Variants in SPTB observed in about 807,000 individuals in gnomAD.
SPTB encodes the protein spectrin beta chain, erythrocytic.
A neutral mutation model predicts 256.2 loss-of-function variants in SPTB; 45 were observed. The ratio of observed to expected loss-of-function variants is 0.18; its 90% CI spans 0.14 to 0.23. SPTB has a LOEUF of 0.23. Among genes scored for constraint, SPTB ranks in the 10% least tolerant of loss-of-function variants. The pLI, the probability that SPTB is intolerant of heterozygous loss-of-function variation, is 1.00. For synonymous variants in SPTB, 1,231 were observed against 1,243.1 expected (o/e 0.99, Z 0.21); for missense variants, 2,715 against 3,040.4 (o/e 0.89, Z 2.52).
Position 64,866,258 on chromosome 14 carries a change from C to A in SPTB, c.-52+13534G>T, listed in dbSNP as rs1882175917. ...AGAAGCTGCTAGTTGTTTATCCTAC[C>A]CTCACTGTCAGCTCTCCATCGAGTT... On this transcript the variant is annotated intron_variant, in intron 1 of 35. Transcript: ENST00000644917. The surrounding 1 kb of genome is among the most constrained non-coding windows in gnomAD (Gnocchi z 4.6). Among the ~76,000 whole-genome samples, 1 of 152,128 alleles carries A rather than the reference C, an allele frequency of 6.6e-6. No individual in the cohort carries two copies. The highest frequency in any genetic ancestry group is 2.4e-5 in the African/African-American group (1 of 41,428).
intron 19 of SPTB, among the ~76,000 whole-genome samples, chr14:64,782,909 G>A (rs1245604901): frequency 6.6e-6 from 1 of 152,024 alleles, no homozygotes; most frequent in East Asian, 1.9e-4. Context: ...GTTAGACATG[G>A]CTGGTAGGGG....
intron 2 of SPTB, among the ~76,000 whole-genome samples, chr14:64,808,983 G>A (rs138060622): frequency 2.2e-3 from 333 of 151,858 alleles, no homozygotes; most frequent in African/African-American, 7.8e-3. Context: ...AAGCTAGGCC[G>A]GGCATGGTGG....
chr14:64,804,792 G>C (rs1001241181), intron 3 of SPTB, 147 bp downstream of exon 3: 6 of 1,058,756 alleles, frequency 5.7e-6, no homozygotes, highest in Non-Finnish European at 7.0e-6. Flanking sequence ...CAGCCACACG[G>C]ATGCTTCCCA....
intron 28 of SPTB, 25 bp downstream of exon 28, chr14:64,769,565 G>GCCT: frequency 6.2e-7 from 1 of 1,612,932 alleles, no homozygotes; most frequent in African/African-American, 1.3e-5. Flanking sequence ...GGAGGAGCTC[G>GCCT]CCTCCATCCT....
intron 20 of SPTB, among the ~76,000 whole-genome samples, chr14:64,781,977 TACC>T (rs1300578918): frequency 6.6e-5 from 10 of 152,060 alleles, no homozygotes; most frequent in African/African-American, 2.4e-4. Context: ...GAAAACCAAA[TACC>T]ACATGTTCTC....
chr14:64,766,881 G>T, intron 31 of SPTB, 80 bp from the exon 32 acceptor site: 1 of 1,558,132 alleles, frequency 6.4e-7, no homozygotes, highest in South Asian at 1.1e-5. Context: ...CTTTTCACCT[G>T]CGCCCACAGG....
intron 1 of SPTB, among the ~76,000 whole-genome samples, chr14:64,879,298 G>T (rs952516627): frequency 2.0e-5 from 3 of 152,180 alleles, no homozygotes. Context: ...CTGCCTGGGC[G>T]CTGGGTGGCC....
At chr14:64,773,148 G>T (rs1320430889) in intron 25 of SPTB, 72 bp downstream of exon 25, 7 of 1,593,238 alleles carry the variant, frequency 4.4e-6, no homozygotes, top group Non-Finnish European at 6.0e-6. Context: ...CACTCTGTGT[G>T]TCTTGAGTGA....
At chr14:64,776,519 G>A (rs190104079) in intron 22 of SPTB, among the ~76,000 whole-genome samples, 49 of 152,110 alleles carry the variant, frequency 3.2e-4, no homozygotes, top group Non-Finnish European at 5.6e-4. Context: ...TCAGCTCACT[G>A]AGCCTCAACT....
In SPTB at chr14:64,779,910, C is replaced by A; in HGVS notation, c.4288G>T (p.Val1430Leu). The A allele has an allele frequency of 6.2e-7, 1 of 1,613,904 alleles. No individual in the cohort carries two copies. Among genetic ancestry groups the A allele is most frequent in the Non-Finnish European group, 8.5e-7 (1 of 1,179,880 alleles). The change falls in exon 21 of 36, where the codon GTG (valine) becomes TTG (leucine). Residue 1430 changes from valine (V) to leucine (L), a missense_variant. Physicochemically the swap from Val to Leu is conservative, Grantham distance 32. Transcript: ENST00000644917. The surrounding 1 kb of genome is among the most constrained non-coding windows in gnomAD (Gnocchi z 4.2). Reference protein sequence around the residue: ...KLKRVEDQVNVRKEELGELFA... With the variant: ...KLKRVEDQVNLRKEELGELFA... Reference sequence around the variant, plus strand: ...AGCTCCCCCAGCTCCTCTTTTCGCACATTCACTTGGTCCTCCACTCGCTGA... The same window carrying A: ...AGCTCCCCCAGCTCCTCTTTTCGCAAATTCACTTGGTCCTCCACTCGCTGA...
intron 1 of SPTB, among the ~76,000 whole-genome samples, chr14:64,854,435 C>A (rs111592417): frequency 1.2e-4 from 18 of 150,752 alleles, no homozygotes; most frequent in Middle Eastern, 3.4e-3. Context: ...CCCGCCACCA[C>A]GCCCCACTAA....
intron 2 of SPTB, among the ~76,000 whole-genome samples, chr14:64,810,855 C>T (rs2083075409): frequency 6.6e-6 from 1 of 152,168 alleles, no homozygotes; most frequent in Non-Finnish European, 1.5e-5. Context: ...GTGGCTCACA[C>T]CTATAATCCC....
rs546892043 is a variant in SPTB, at chr14:64,858,982, G to T, written c.-52+20810C>A. On this transcript the variant is annotated intron_variant, in intron 1 of 35. Coordinates refer to ENST00000644917, the MANE Select transcript of SPTB (RefSeq NM_001355436.2). The stretch of plus-strand genomic sequence containing the variant: ...ATTTTAAAATTGGTTAAATAGGCCA[G>T]GTGCAATGGCTTACACCTGTAATCC... 2.6e-5 allele frequency among the ~76,000 whole-genome samples: 4 copies of T among 152,346 alleles called. No individual in the cohort carries two copies. The East Asian group carries it at 7.7e-4, about 29-fold the overall frequency.
intron 32 of SPTB, among the ~76,000 whole-genome samples, chr14:64,761,402 G>A (rs1279162282): frequency 6.6e-6 from 1 of 152,188 alleles, no homozygotes; most frequent in Non-Finnish European, 1.5e-5. Flanking sequence ...AAAGAGCCAG[G>A]GCGGGGAGCT....
rs2082731817 is a variant in SPTB, at chr14:64,794,512, C to G, written c.1750G>C (p.Val584Leu). 1 of 1,614,082 alleles carries G rather than the reference C, an allele frequency of 6.2e-7. No individual in the cohort carries two copies. ...EADIAIQGDK[V>L]KAITAATLKF... The stretch of plus-strand genomic sequence containing the variant: ...AGGGTGGCTGCGGTGATGGCCTTCA[C>G]TTTGTCCCCTTGGATGGCGATGTCA... Residue 584 changes from valine (V) to leucine (L), a missense_variant, in exon 13 of 36, where the codon GTG becomes CTG. By Grantham distance (32) the Val-to-Leu change is conservative. Transcript: ENST00000644917.
Position 64,807,057 on chromosome 14 carries a change from C to A in SPTB, c.149-1967G>T, listed in dbSNP as rs1306269810. On this transcript the variant is annotated intron_variant, in intron 2 of 35. Transcript: ENST00000644917. The surrounding 1 kb of genome is among the most constrained non-coding windows in gnomAD (Gnocchi z 4.7). ...GTTTGATGCCATACTGGACGGAAAG[C>A]AATTGCACTTATTTTGGGGCATTTT... is the stretch of plus-strand genomic sequence containing the variant. Among the ~76,000 whole-genome samples, 4 of 152,200 alleles carry A rather than the reference C, an allele frequency of 2.6e-5. No individual in the cohort carries two copies. Among genetic ancestry groups the A allele is most frequent in the African/African-American group, 9.7e-5 (4 of 41,444 alleles).
At chr14:64,781,429 A>G (rs1056200067) in intron 20 of SPTB, among the ~76,000 whole-genome samples, 2 of 152,244 alleles carry the variant, frequency 1.3e-5, no homozygotes, top group African/African-American at 2.4e-5. Flanking sequence ...GACACTTCGC[A>G]AAAGACACAC....
intron 32 of SPTB, chr14:64,763,909 G>T (rs896487555): frequency 2.9e-4 from 148 of 517,878 alleles, no homozygotes; most frequent in Middle Eastern, 2.2e-3. Flanking sequence ...ACACACGTGG[G>T]GAAGGGGAGG....
chr14:64,749,271 C>T lies in SPTB; in HGVS notation c.*35G>A, dbSNP rs768011952. Reference sequence around the variant, plus strand: ...AGGCCTGGGCTGCCCGGTCTCTGCGCGTCCCGACTCCGCCGCGCCCGCCAG... The same window carrying T: ...AGGCCTGGGCTGCCCGGTCTCTGCGTGTCCCGACTCCGCCGCGCCCGCCAG... On this transcript the variant is annotated 3_prime_UTR_variant, in exon 36 of 36. Coordinates refer to ENST00000644917, the MANE Select transcript of SPTB (RefSeq NM_001355436.2). The surrounding 1 kb of genome is among the most constrained non-coding windows in gnomAD (Gnocchi z 4.7). 2.7e-5 allele frequency: 41 copies of T among 1,546,756 alleles called. No homozygotes were observed. The highest frequency in any genetic ancestry group is 2.2e-4 in the East Asian group (9 of 41,368).
Sources: allele counts gnomAD v4.1 joint callset (sites outside exome capture counted in the v4.1 genomes callset), GRCh38; gene constraint gnomAD v4.1.1; non-coding constraint Gnocchi (gnomAD v3.1); transcripts MANE v1.5; gene names NCBI Gene and HGNC (gene_info 2026-07-23, HGNC 2026-07-21).